Variants in LOXHD1 observed in about 807,000 individuals in gnomAD.
LOXHD1 encodes lipoxygenase homology domain-containing protein 1.
A neutral mutation model predicts 248.2 loss-of-function variants in LOXHD1; 205 were observed. The ratio of observed to expected loss-of-function variants is 0.83; its 90% CI spans 0.74 to 0.93. LOXHD1 has a LOEUF of 0.93. LOXHD1 is among the 40% of genes least tolerant of loss of function. The pLI is 0.00. For synonymous variants in LOXHD1, 1,113 were observed against 1,162.8 expected (o/e 0.96, Z 0.87); for missense variants, 2,930 against 2,971.6 (o/e 0.99, Z 0.33).
intron 4 of LOXHD1, among the ~76,000 whole-genome samples, chr18:46,631,115 C>T (rs1211967952): frequency 6.6e-6 from 1 of 152,120 alleles, no homozygotes; most frequent in Non-Finnish European, 1.5e-5. Context: ...CATACAAGCC[C>T]CTAAGTCCCA....
intron 6 of LOXHD1, among the ~76,000 whole-genome samples, chr18:46,606,295 G>C (rs1188100068): frequency 2.0e-5 from 3 of 152,052 alleles, no homozygotes; most frequent in African/African-American, 7.2e-5. Flanking sequence ...GGCATGAAAC[G>C]TTTGTCACAG....
chr18:46,574,113 G>T (rs758718755), intron 14 of LOXHD1, among the ~76,000 whole-genome samples: 4 of 151,914 alleles, frequency 2.6e-5, no homozygotes, highest in Admixed American at 2.6e-4. Flanking sequence ...GCAAGCCCTC[G>T]GCCATCTGAA....
At chr18:46,559,316 A>G (rs2037458137) in intron 20 of LOXHD1, 132 bp downstream of exon 20, 8 of 1,546,760 alleles carry the variant, frequency 5.2e-6, no homozygotes, top group African/African-American at 4.1e-5. Context: ...AGGTACTGCC[A>G]TGAAACCTGG....
At chr18:46,614,106 T>G (rs1037295773) in intron 5 of LOXHD1, among the ~76,000 whole-genome samples, 1 of 152,120 alleles carries the variant, frequency 6.6e-6, no homozygotes, top group African/African-American at 2.4e-5. Context: ...TAGGAACACT[T>G]TTACACTGTT....
At chr18:46,537,314 T>C (rs1439534100) in intron 26 of LOXHD1, among the ~76,000 whole-genome samples, 1 of 152,212 alleles carries the variant, frequency 6.6e-6, no homozygotes, top group Non-Finnish European at 1.5e-5. Context: ...CTAAACCTCA[T>C]GCCCCAGTTT....
intron 33 of LOXHD1, chr18:46,520,674 C>A (rs1352370625): frequency 4.1e-6 from 1 of 242,030 alleles, no homozygotes; most frequent in African/African-American, 2.3e-5. Flanking sequence ...CAGATGCCAT[C>A]TTTCCTATCA....
intron 21 of LOXHD1, 51 bp downstream of exon 21, chr18:46,557,305 A>C (rs1307079557): frequency 6.5e-7 from 1 of 1,548,476 alleles, no homozygotes; most frequent in Non-Finnish European, 8.7e-7. Flanking sequence ...TGTGGCAGAC[A>C]TGGCCTCCCT....
At position 46,524,517 on chromosome 18, in the gene LOXHD1, C is replaced by T. The variant is rs1275751728; in HGVS notation, c.4825G>A (p.Asp1609Asn). ...ATGGGCCCGGTCACTGTGCTGATGT[C>T]GACATCGGCCATCTTGGAGCTCAGG... is the stretch of plus-strand genomic sequence containing the variant. The part of the protein sequence containing the change: ...IALSSKMADV[D>N]ISTVTGPMAD... The change falls in exon 31 of 41, where the codon GAC (aspartate) becomes AAC (asparagine). Residue 1609 changes from aspartate to asparagine, a missense_variant. Coordinates refer to ENST00000642948, the MANE Select transcript of LOXHD1 (RefSeq NM_001384474.1). The T allele has an allele frequency of 1.5e-5, 24 of 1,551,578 alleles. No individual in the cohort carries two copies. Among genetic ancestry groups the T allele is most frequent in the Admixed American group, 7.8e-5 (4 of 50,980 alleles).
intron 40 of LOXHD1, among the ~76,000 whole-genome samples, chr18:46,481,635 C>T (rs966758412): frequency 1.3e-5 from 2 of 152,244 alleles, no homozygotes; most frequent in Non-Finnish European, 2.9e-5. Flanking sequence ...GCAACCCCTT[C>T]ACTTCAGGAA....
chr18:46,653,340 G>C (rs1219684680), intron 1 of LOXHD1, among the ~76,000 whole-genome samples: 2 of 152,196 alleles, frequency 1.3e-5, no homozygotes, highest in Non-Finnish European at 2.9e-5. Context: ...GGAGCATTCT[G>C]GGGGCTGGAA....
At chr18:46,563,924 A>G (rs1203795482) in intron 17 of LOXHD1, among the ~76,000 whole-genome samples, 1 of 152,246 alleles carries the variant, frequency 6.6e-6, no homozygotes, top group East Asian at 1.9e-4. Flanking sequence ...GCGCAGAGAG[A>G]GCGATCCATC....
chr18:46,558,861 C>G (rs145375772), intron 20 of LOXHD1, among the ~76,000 whole-genome samples: 329 of 152,222 alleles, frequency 2.2e-3, no homozygotes, highest in Non-Finnish European at 3.8e-3. Context: ...CTCAGCTTGT[C>G]TCTTAAGCCT....
chr18:46,514,683 T>C (rs1315380447), intron 34 of LOXHD1, among the ~76,000 whole-genome samples: 1 of 152,116 alleles, frequency 6.6e-6, no homozygotes, highest in Non-Finnish European at 1.5e-5. Flanking sequence ...CTCTTTGTAC[T>C]AAGGGTTAGT....
chr18:46,592,574 G>T lies in LOXHD1; in HGVS notation c.1442C>A (p.Pro481Gln), dbSNP rs373604796. 6.4e-7 allele frequency: 1 copy of T among 1,551,360 alleles called. No homozygotes were observed. The highest frequency in any genetic ancestry group is 2.4e-5 in the East Asian group (1 of 40,910). Residue 481 changes from proline (P) to glutamine (Q), a missense_variant, in exon 11 of 41, where the codon CCG becomes CAG. Physicochemically the swap from Pro to Gln is moderately conservative, Grantham distance 76 (BLOSUM62 -1). Coordinates refer to ENST00000642948, the MANE Select transcript of LOXHD1 (RefSeq NM_001384474.1). ...AATCTTATAAAACCTGCCAAGATCC[G>T]GGAGCTCAATCTATGGTGAGAAATA... ...GIIEKFRIEL[P>Q]DLGRFYKIRV...
At chr18:46,630,796 G>A (rs2038810701) in intron 4 of LOXHD1, among the ~76,000 whole-genome samples, 1 of 152,150 alleles carries the variant, frequency 6.6e-6, no homozygotes, top group African/African-American at 2.4e-5. Flanking sequence ...ATCAGTGGGT[G>A]GGAGACACCT....
At chr18:46,637,939 A>C (rs2144371751) in intron 4 of LOXHD1, among the ~76,000 whole-genome samples, 1 of 152,326 alleles carries the variant, frequency 6.6e-6, no homozygotes, top group South Asian at 2.1e-4. Context: ...CTGTGCAAAG[A>C]TTTAGGTGAA....
chr18:46,639,562 G>A, intron 4 of LOXHD1, 54 bp downstream of exon 4: 2 of 1,514,646 alleles, frequency 1.3e-6, no homozygotes, highest in East Asian at 2.5e-5. Context: ...TCTTTCCTGG[G>A]TGAGCCCAGC....
intron 1 of LOXHD1, among the ~76,000 whole-genome samples, chr18:46,651,224 C>A (rs1230271988): frequency 6.6e-6 from 1 of 152,070 alleles, no homozygotes; most frequent in South Asian, 2.1e-4. Context: ...GGTGAGTGGA[C>A]CTTTTGATCT....
At position 46,542,868 on chromosome 18, in the gene LOXHD1, T is replaced by C; in HGVS notation, c.3620-13A>G. 6.4e-7 allele frequency: 1 copy of C among 1,551,726 alleles called. No homozygotes were observed. The highest frequency in any genetic ancestry group is 8.7e-7 in the Non-Finnish European group (1 of 1,146,992). On this transcript the variant is annotated splice_polypyrimidine_tract_variant and intron_variant, in intron 23 of 40. Coordinates refer to ENST00000642948, the MANE Select transcript of LOXHD1 (RefSeq NM_001384474.1). The stretch of plus-strand genomic sequence containing the variant: ...AGGAGGGTCATTCCTGTGGATCAGA[T>C]GACCCCAGCATGACTGGCTGGACCT...
Sources: allele counts gnomAD v4.1 joint callset (sites outside exome capture counted in the v4.1 genomes callset), GRCh38; gene constraint gnomAD v4.1.1; transcripts MANE v1.5; gene names NCBI Gene and HGNC (gene_info 2026-07-23, HGNC 2026-07-21).